OR2C1: variants seen among roughly 807,000 people sequenced by gnomAD.
OR2C1 encodes olfactory receptor family 2 subfamily C member 1.
For synonymous variants in OR2C1, 209 were observed against 167.3 expected (o/e 1.25, Z -1.92); for missense variants, 468 against 388.3 (o/e 1.21, Z -1.73).
the OR2C1 span, among the ~76,000 whole-genome samples, chr16:3,330,523 G>A: frequency 1.7e-4 from 26 of 152,018 alleles, no homozygotes; most frequent in African/African-American, 6.0e-4. Flanking sequence ...AAATAGACCC[G>A]CATAGATAAA....
At chr16:3,347,382 C>A in the OR2C1 span, among the ~76,000 whole-genome samples, 1 of 151,768 alleles carries the variant, frequency 6.6e-6, no homozygotes, top group Admixed American at 6.6e-5. Flanking sequence ...GTGATAGAGC[C>A]AGACCCTGTC....
At chr16:3,326,303 T>C in the OR2C1 span, among the ~76,000 whole-genome samples, 2 of 152,172 alleles carry the variant, frequency 1.3e-5, no homozygotes, top group East Asian at 3.9e-4. Context: ...GGCAAAATGA[T>C]GTCTTTCTTT....
At chr16:3,349,800 G>T in the OR2C1 span, among the ~76,000 whole-genome samples, 1 of 151,890 alleles carries the variant, frequency 6.6e-6, no homozygotes, top group African/African-American at 2.4e-5. Context: ...TACTAGGGAG[G>T]CAGAGGCAGG....
chr16:3,340,084 A>T, the OR2C1 span, among the ~76,000 whole-genome samples: 860 of 152,052 alleles, frequency 5.7e-3, 6 homozygotes, highest in African/African-American at 0.019. Context: ...TTCGAGACCA[A>T]CCTGGCCAAC....
the OR2C1 span, chr16:3,323,628 T>C: frequency 2.8e-6 from 2 of 722,368 alleles, no homozygotes; most frequent in Admixed American, 1.9e-5. Flanking sequence ...ACCAGTAGAC[T>C]CACGCCAACA....
At chr16:3,348,367 C>T in the OR2C1 span, among the ~76,000 whole-genome samples, 569 of 152,282 alleles carry the variant, frequency 3.7e-3, 3 homozygotes, top group African/African-American at 0.013. Context: ...TCCAGTTCCT[C>T]GTAAGTATGG....
the OR2C1 span, among the ~76,000 whole-genome samples, chr16:3,342,336 T>C: frequency 6.6e-6 from 1 of 152,216 alleles, no homozygotes; most frequent in Non-Finnish European, 1.5e-5. Flanking sequence ...TAAGGATTTC[T>C]GTTCAAAAAA....
the OR2C1 span, among the ~76,000 whole-genome samples, chr16:3,325,470 T>A: frequency 5.9e-4 from 14 of 23,802 alleles, no homozygotes; most frequent in East Asian, 0.013. Context: ...AATATATATA[T>A]ATATATATAT....
At chr16:3,357,896 G>A (rs146430934), downstream of OR2C1, among the ~76,000 whole-genome samples, 6,664 of 151,084 alleles carry the variant, frequency 0.044, 194 homozygotes, top group Middle Eastern at 0.065. Context: ...CAGGAGAATC[G>A]CTTGAACTCG....
chr16:3,357,441 T>A (rs1259334038), downstream of OR2C1: 2 of 154,214 alleles, frequency 1.3e-5, no homozygotes, highest in Non-Finnish European at 2.9e-5. Context: ...TGGCATGATC[T>A]TAGCTCACTG....
At chr16:3,323,729 T>C in the OR2C1 span, 2 of 685,302 alleles carry the variant, frequency 2.9e-6, no homozygotes, top group African/African-American at 1.8e-5. Flanking sequence ...GAGACACACC[T>C]TGTCACATTT....
chr16:3,323,364 G>A, the OR2C1 span: 1 of 1,060,440 alleles, frequency 9.4e-7, no homozygotes, highest in Non-Finnish European at 1.4e-6. Flanking sequence ...TCATGAATGA[G>A]GTCTTCCAAG....
At chr16:3,335,341 A>G in the OR2C1 span, among the ~76,000 whole-genome samples, 30 of 151,992 alleles carry the variant, frequency 2.0e-4, no homozygotes, top group Non-Finnish European at 3.4e-4. Flanking sequence ...TTTGGTGTGT[A>G]TGCTCTTCAG....
the OR2C1 span, among the ~76,000 whole-genome samples, chr16:3,328,317 T>G: frequency 1.3e-5 from 2 of 152,268 alleles, no homozygotes; most frequent in Admixed American, 1.3e-4. Flanking sequence ...CATAAGCTAC[T>G]GTTTATTACC....
At chr16:3,350,060 TTTTTTTTTTTTTTTTG>T in the OR2C1 span, among the ~76,000 whole-genome samples, 2 of 141,176 alleles carry the variant, frequency 1.4e-5, no homozygotes, top group South Asian at 4.8e-4. Flanking sequence ...GGAATCTTTT[TTTTTTTTTTTTTTTTG>T]AGGTGGAGTC....
the OR2C1 span, chr16:3,323,264 T>A: frequency 2.5e-5 from 20 of 814,682 alleles, no homozygotes; most frequent in Non-Finnish European, 3.8e-5. Flanking sequence ...GGAAGCCCAC[T>A]GTATTTTTGG....
the OR2C1 span, among the ~76,000 whole-genome samples, chr16:3,348,465 T>C: frequency 5.9e-5 from 9 of 152,056 alleles, no homozygotes; most frequent in African/African-American, 2.2e-4. Context: ...TCAGCCTGAG[T>C]TCCTCTATTG....
At chr16:3,326,551 T>C in the OR2C1 span, among the ~76,000 whole-genome samples, 1 of 152,228 alleles carries the variant, frequency 6.6e-6, no homozygotes. Flanking sequence ...GACTGCCTCC[T>C]AACATCCGTT....
the OR2C1 span, among the ~76,000 whole-genome samples, chr16:3,325,576 G>A: frequency 7.4e-5 from 11 of 149,006 alleles, no homozygotes; most frequent in Admixed American, 6.7e-4. Flanking sequence ...CGATAGACTT[G>A]CTCATCACAG....
Sources: gnomAD v4.1 joint callset for allele counts (sites outside exome capture counted in the v4.1 genomes callset) on GRCh38, gnomAD v4.1.1 for gene constraint, MANE v1.5 for transcripts, NCBI Gene and HGNC (gene_info 2026-07-23, HGNC 2026-07-21) for gene names.